The following DGKB variants were observed in gnomAD, a reference collection of about 807,000 sequenced individuals.
DGKB encodes 90 kDa diacylglycerol kinase.
In DGKB, 67 loss-of-function variants were observed where a neutral mutation model predicts 114.3. That is an observed-to-expected ratio of 0.59 (90% CI 0.48 to 0.72). The LOEUF is 0.72. DGKB is among the 30% of genes least tolerant of loss of function. The pLI is 0.00. For synonymous variants in DGKB, 398 were observed against 323.1 expected (o/e 1.23, Z -2.49); for missense variants, 907 against 975.2 (o/e 0.93, Z 0.93).
At chr7:14,614,702 A>T (rs1712462948) in intron 15 of DGKB, among the ~76,000 whole-genome samples, 1 of 152,088 alleles carries the variant, frequency 6.6e-6, no homozygotes, top group Non-Finnish European at 1.5e-5. Flanking sequence ...AAATCTCCAC[A>T]TTACCGAAGT....
At chr7:14,819,260 A>C (rs1006807317) in intron 2 of DGKB, among the ~76,000 whole-genome samples, 1 of 152,162 alleles carries the variant, frequency 6.6e-6, no homozygotes, top group Non-Finnish European at 1.5e-5. Context: ...ATAAATAAAT[A>C]ACTTTCCAAG....
At chr7:14,167,417 C>T (rs369590948) in intron 25 of DGKB, among the ~76,000 whole-genome samples, 62 of 151,698 alleles carry the variant, frequency 4.1e-4, no homozygotes, top group African/African-American at 1.3e-3. Context: ...GATGCTACTT[C>T]GAGAAATATA....
At chr7:14,652,568 A>T (rs1353267891) in intron 13 of DGKB, among the ~76,000 whole-genome samples, 42 of 152,020 alleles carry the variant, frequency 2.8e-4, no homozygotes, top group Non-Finnish European at 5.0e-4. Context: ...CCTAGGCTTT[A>T]CCATTCGGGA....
intron 23 of DGKB, among the ~76,000 whole-genome samples, chr7:14,240,539 C>T (rs1793482795): frequency 6.6e-6 from 1 of 152,044 alleles, no homozygotes; most frequent in African/African-American, 2.4e-5. Flanking sequence ...GTCCCTGTGA[C>T]CATGGTGTAA....
At chr7:14,744,407 C>A (rs1832974287) in intron 4 of DGKB, among the ~76,000 whole-genome samples, 1 of 151,874 alleles carries the variant, frequency 6.6e-6, no homozygotes, top group Non-Finnish European at 1.5e-5. Flanking sequence ...CTTGGGAAAA[C>A]TGGCCTCATA....
intron 23 of DGKB, among the ~76,000 whole-genome samples, chr7:14,312,275 A>G (rs541391010): frequency 6.6e-6 from 1 of 152,338 alleles, no homozygotes; most frequent in Non-Finnish European, 1.5e-5. Context: ...GCAGTTCTGC[A>G]AATGTGGTCT....
intron 20 of DGKB, among the ~76,000 whole-genome samples, chr7:14,541,889 T>C (rs1401851988): frequency 6.6e-6 from 1 of 152,216 alleles, no homozygotes; most frequent in African/African-American, 2.4e-5. Context: ...AATAGTCTCT[T>C]TTGTTCTCAG....
chr7:14,898,443 A>G (rs929185122), intron 1 of DGKB, among the ~76,000 whole-genome samples: 1 of 152,102 alleles, frequency 6.6e-6, no homozygotes, highest in Non-Finnish European at 1.5e-5. Flanking sequence ...GTTGTCCTTC[A>G]GTTTGCTCTT....
intron 20 of DGKB, among the ~76,000 whole-genome samples, chr7:14,483,227 T>A (rs1158773262): frequency 1.3e-5 from 2 of 152,160 alleles, no homozygotes; most frequent in Admixed American, 1.3e-4. Context: ...CAGTGACCCC[T>A]CTCTACATTG....
At chr7:14,393,571 T>C (rs910537774) in intron 21 of DGKB, among the ~76,000 whole-genome samples, 3 of 152,200 alleles carry the variant, frequency 2.0e-5, no homozygotes, top group Admixed American at 2.0e-4. Flanking sequence ...ATCTGGCCTT[T>C]ACAGGAAAAG....
At chr7:14,762,117 G>C (rs1026622701) in intron 2 of DGKB, among the ~76,000 whole-genome samples, 1 of 152,112 alleles carries the variant, frequency 6.6e-6, no homozygotes, top group Non-Finnish European at 1.5e-5. Flanking sequence ...CTACAGCTGA[G>C]ACAATGGGCT....
intron 21 of DGKB, among the ~76,000 whole-genome samples, chr7:14,370,702 C>T (rs1428181084): frequency 1.3e-5 from 2 of 151,892 alleles, no homozygotes; most frequent in African/African-American, 4.8e-5. Context: ...AGGGAGGGCA[C>T]GTGGATGTCT....
intron 2 of DGKB, among the ~76,000 whole-genome samples, chr7:14,758,932 G>GATAGATAC (rs1380848628): frequency 7.0e-6 from 1 of 141,996 alleles, no homozygotes; most frequent in East Asian, 2.0e-4. Flanking sequence ...TAGATAGATA[G>GATAGATAC]ATACATAGAT....
intron 20 of DGKB, among the ~76,000 whole-genome samples, chr7:14,505,953 AT>A (rs763573903): frequency 2.0e-5 from 3 of 151,518 alleles, no homozygotes; most frequent in Admixed American, 6.6e-5. Flanking sequence ...TCATACCCAG[AT>A]TTTTTTTTAT....
chr7:14,680,351 G>T (rs1820618818), intron 12 of DGKB, among the ~76,000 whole-genome samples: 1 of 151,926 alleles, frequency 6.6e-6, no homozygotes, highest in Non-Finnish European at 1.5e-5. Context: ...AAAATGTTAA[G>T]GGTATATTGT....
intron 2 of DGKB, among the ~76,000 whole-genome samples, chr7:14,816,875 G>C (rs1844232180): frequency 6.6e-6 from 1 of 152,020 alleles, no homozygotes; most frequent in African/African-American, 2.4e-5. Flanking sequence ...TGTTATTCAG[G>C]GATAAGCTGG....
chr7:14,221,503 T>C (rs1017889870), intron 23 of DGKB, among the ~76,000 whole-genome samples: 1 of 151,446 alleles, frequency 6.6e-6, no homozygotes, highest in Non-Finnish European at 1.5e-5. Context: ...AAACCAACTC[T>C]CATTCCTGGG....
rs757798651 is a variant in DGKB, at chr7:14,701,685, C to G, written c.512G>C (p.Ser171Thr). The G allele has an allele frequency of 9.9e-6, 16 of 1,608,878 alleles. No individual in the cohort carries two copies. Among genetic ancestry groups the G allele is most frequent in the Non-Finnish European group, 1.4e-5 (16 of 1,175,922 alleles). ...YDTDGNGFLD[S>T]SELENIISQM... ...AACTTTGAAGAAAAAAATTACCGAGCTGTCCAGGAAGCCATTCCCATCCGT... is the reference window on the plus strand; with the variant it reads ...AACTTTGAAGAAAAAAATTACCGAGGTGTCCAGGAAGCCATTCCCATCCGT... Residue 171 changes from serine to threonine, a missense_variant, in exon 7 of 26, where the codon AGC becomes ACC. Ser to Thr is a moderately conservative substitution (Grantham distance 58, BLOSUM62 1). Coordinates refer to ENST00000402815, the MANE Select transcript of DGKB (RefSeq NM_001350709.2).
intron 2 of DGKB, among the ~76,000 whole-genome samples, chr7:14,778,954 G>A (rs1838652257): frequency 6.6e-6 from 1 of 152,100 alleles, no homozygotes; most frequent in African/African-American, 2.4e-5. Context: ...TCAGGAGTTC[G>A]AGATCAACCT....
Sources: gnomAD v4.1 joint callset for allele counts (sites outside exome capture counted in the v4.1 genomes callset) on GRCh38, gnomAD v4.1.1 for gene constraint, MANE v1.5 for transcripts, NCBI Gene and HGNC (gene_info 2026-07-23, HGNC 2026-07-21) for gene names.